The following SLTM variants were observed in gnomAD, a reference collection of about 807,000 sequenced individuals.
The protein encoded by SLTM is SAFB like transcription modulator.
A neutral mutation model predicts 134.6 loss-of-function variants in SLTM; 43 were observed. The observed-to-expected ratio is 0.32, with a 90% CI of 0.25 to 0.41. SLTM has a LOEUF of 0.41. Among genes scored for constraint, SLTM ranks in the 10% least tolerant of loss-of-function variants. The pLI, the probability that SLTM is intolerant of heterozygous loss-of-function variation, is 1.00. For missense variants in SLTM, 1,055 were observed against 1,288.8 expected (o/e 0.82, Z 2.78); for synonymous variants, 424 against 432.3 (o/e 0.98, Z 0.24).
At position 58,912,623 on chromosome 15, in the gene SLTM, G is replaced by A. The variant is rs745815773; in HGVS notation, c.514-13C>T. 1 of 1,591,318 alleles carries A rather than the reference G, an allele frequency of 6.3e-7. No individual in the cohort carries two copies. The highest frequency in any genetic ancestry group is 1.1e-5 in the South Asian group (1 of 88,772). On this transcript the variant is annotated splice_polypyrimidine_tract_variant and intron_variant, in intron 4 of 20. Transcript: ENST00000380516. ...GAGCTTCAATTTCCTAAGTAAAAGG[G>A]TATACAATAGCTTTGCTTTATAAAA... is the stretch of plus-strand genomic sequence containing the variant.
chr15:58,918,665 ATAACTTTTTGGTT>A (rs376719208), intron 2 of SLTM, among the ~76,000 whole-genome samples: 1,666 of 152,304 alleles, frequency 0.011, 10 homozygotes, highest in Non-Finnish European at 0.018. Flanking sequence ...TGGGGAAAAC[ATAACTTTTTGGTT>A]TAACTTTTTG....
rs187641832 is a variant in SLTM, at chr15:58,924,501, C to T, written c.251-7502G>A. Among the ~76,000 whole-genome samples the T allele has an allele frequency of 2.3e-3, 351 of 152,252 alleles. 2 individuals are homozygous for T. Among genetic ancestry groups the T allele is most frequent in the Non-Finnish European group, 2.2e-3 (147 of 68,010 alleles). ...ATTAAGTTAAACCTCCCAGTGGCTT[C>T]TGGAACAGTATTTCACAATCACAGA... On this transcript the variant is annotated intron_variant, in intron 2 of 20. Transcript: ENST00000380516.
chr15:58,904,021 G>C (rs1187343868), intron 5 of SLTM, among the ~76,000 whole-genome samples: 2 of 152,152 alleles, frequency 1.3e-5, no homozygotes, highest in African/African-American at 2.4e-5. Flanking sequence ...GTCTGTGTGA[G>C]AGACAGGGTC....
chr15:58,913,585 G>A lies in SLTM; in HGVS notation c.427C>T (p.Leu143Phe). 1.2e-6 allele frequency: 2 copies of A among 1,613,382 alleles called. No homozygotes were observed. Among genetic ancestry groups the A allele is most frequent in the Non-Finnish European group, 1.7e-6 (2 of 1,179,804 alleles). ...EEENVHSKEL[L>F]SAEENKRAHE... ...GCTCTCTTGTTTTCTTCTGCAGAGA[G>A]TAACTCCTTGGAATGCACATTTTCT... Residue 143 changes from leucine to phenylalanine, a missense_variant, in exon 4 of 21, where the codon CTC becomes TTC. Physicochemically the swap from Leu to Phe is conservative, Grantham distance 22 (BLOSUM62 0). This residue lies in a region of SLTM where 268 missense variants were observed against 284.3 expected (regional missense o/e 0.94). Transcript: ENST00000380516.
chr15:58,901,323 T>A (rs747808398), intron 5 of SLTM, 36 bp from the exon 6 acceptor site: 4 of 1,556,170 alleles, frequency 2.6e-6, no homozygotes, highest in Middle Eastern at 1.7e-4. Flanking sequence ...TAAAATGAAT[T>A]CACATAAAAC....
At chr15:58,927,653 T>C (rs2037574424) in intron 2 of SLTM, among the ~76,000 whole-genome samples, 1 of 151,804 alleles carries the variant, frequency 6.6e-6, no homozygotes. Flanking sequence ...TGAGCACTTA[T>C]TACGTGCCAT....
intron 8 of SLTM, chr15:58,898,574 TG>T: frequency 2.4e-6 from 1 of 416,010 alleles, no homozygotes; most frequent in Non-Finnish European, 4.3e-6. Flanking sequence ...CCCTAGCTAA[TG>T]GGTTTTTAAC....
At chr15:58,917,617 A>C (rs931024298) in intron 2 of SLTM, among the ~76,000 whole-genome samples, 2 of 152,246 alleles carry the variant, frequency 1.3e-5, no homozygotes, top group African/African-American at 4.8e-5. Context: ...GCCACTTAAC[A>C]TAATAACTGA....
At chr15:58,896,785 C>T (rs2035112941) in intron 9 of SLTM, among the ~76,000 whole-genome samples, 1 of 152,108 alleles carries the variant, frequency 6.6e-6, no homozygotes, top group African/African-American at 2.4e-5. Context: ...AATGTATTTT[C>T]AAGATGTCCA....
chr15:58,912,642 T>C, intron 4 of SLTM, 32 bp from the exon 5 acceptor site: 2 of 1,561,126 alleles, frequency 1.3e-6, no homozygotes, highest in Non-Finnish European at 1.7e-6. Flanking sequence ...AGCTTTGCTT[T>C]ATAAAATATC....
chr15:58,914,437 A>C (rs2036490830), intron 3 of SLTM, among the ~76,000 whole-genome samples: 1 of 152,224 alleles, frequency 6.6e-6, no homozygotes, highest in Non-Finnish European at 1.5e-5. Flanking sequence ...ATGACTACTA[A>C]TCATTCACAG....
At chr15:58,928,861 C>T (rs547675897) in intron 2 of SLTM, among the ~76,000 whole-genome samples, 3 of 152,254 alleles carry the variant, frequency 2.0e-5, no homozygotes, top group Admixed American at 6.5e-5. Flanking sequence ...TGGCACTTTT[C>T]GTTTTCTAAT....
Position 58,932,337 on chromosome 15 carries a change from G to C in SLTM, c.250+19C>G. The C allele has an allele frequency of 6.3e-7, 1 of 1,579,258 alleles. No homozygotes were observed. Among genetic ancestry groups the C allele is most frequent in the Non-Finnish European group, 8.7e-7 (1 of 1,148,528 alleles). On this transcript the variant is annotated intron_variant, in intron 2 of 20. Transcript: ENST00000380516. ...ATAACCAAAATATATTTTAAAACAT[G>C]TTCATAACTCGTAACAACCTTTGCC... is the stretch of plus-strand genomic sequence containing the variant.
In SLTM at chr15:58,893,852, C is replaced by A. The variant is rs1233752950; in HGVS notation, c.1617G>T (p.Ser539=). 1 of 1,610,360 alleles carries A rather than the reference C, an allele frequency of 6.2e-7. No individual in the cohort carries two copies. The highest frequency in any genetic ancestry group is 1.1e-5 in the South Asian group (1 of 89,782). Residue 539 remains serine, a synonymous_variant, in exon 12 of 21, where the codon TCG becomes TCT. Transcript: ENST00000380516. ...DNGASGQTSE[S]IKKSEEKKRI... is the part of the protein sequence containing the mutation. ...GCTTCTTTTCTTCACTTTTTTTAAT[C>A]GATTCTGATGTTTGGCCACTTGCTC...
intron 2 of SLTM, among the ~76,000 whole-genome samples, chr15:58,921,991 T>G (rs1411742555): frequency 6.6e-6 from 1 of 152,112 alleles, no homozygotes; most frequent in African/African-American, 2.4e-5. Flanking sequence ...ACCAGGCTAG[T>G]CTCGAACTCC....
At chr15:58,888,794 C>A in intron 16 of SLTM, 1 of 351,256 alleles carries the variant, frequency 2.8e-6, no homozygotes, top group East Asian at 4.7e-5. Flanking sequence ...CTGTCTTTTC[C>A]ATTAAATGGA....
intron 2 of SLTM, among the ~76,000 whole-genome samples, chr15:58,921,795 A>G (rs1032293168): frequency 2.6e-5 from 4 of 151,846 alleles, no homozygotes; most frequent in African/African-American, 9.7e-5. Context: ...TTCTTTTTGG[A>G]GACAGACTCT....
chr15:58,888,531 C>T lies in SLTM; in HGVS notation c.2229G>A (p.Glu743=), dbSNP rs1369733144. 2 of 1,613,814 alleles carry T rather than the reference C, an allele frequency of 1.2e-6. No individual in the cohort carries two copies. The highest frequency in any genetic ancestry group is 1.6e-4 in the Middle Eastern group (1 of 6,062). The change falls in exon 17 of 21, where the codon GAG becomes GAA. Residue 743 remains glutamate, a synonymous_variant. Transcript: ENST00000380516. ...CTGTATCTAGAGACAACTTTTTATTCTCGCTCCAGTAAGGATCATCTCGCC... is the reference window on the plus strand; with the variant it reads ...CTGTATCTAGAGACAACTTTTTATTTTCGCTCCAGTAAGGATCATCTCGCC... The part of the protein sequence containing the change: ...DHRRDDPYWS[E]NKKLSLDTDA...
intron 15 of SLTM, chr15:58,890,014 C>T (rs1321230465): frequency 1.4e-5 from 7 of 483,336 alleles, no homozygotes; most frequent in Admixed American, 7.3e-5. Flanking sequence ...ATTACAACTA[C>T]TCTGGACTCA....
Sources: allele counts gnomAD v4.1 joint callset (sites outside exome capture counted in the v4.1 genomes callset), GRCh38; gene constraint gnomAD v4.1.1; regional missense constraint gnomAD v4.1.1; transcripts MANE v1.5; gene names NCBI Gene and HGNC (gene_info 2026-07-23, HGNC 2026-07-21).